BBX: variants seen among roughly 807,000 people sequenced by gnomAD.
BBX encodes the protein BBX high mobility group box domain containing.
A neutral mutation model predicts 100.2 loss-of-function variants in BBX; 30 were observed. That is an observed-to-expected ratio of 0.30 (90% confidence interval 0.22 to 0.41). The LOEUF is 0.41. Among genes scored for constraint, BBX ranks in the 10% least tolerant of loss-of-function variants. The probability of loss-of-function intolerance (pLI) is 1.00; values close to 1 mark genes in which losing one functional copy is unlikely to be tolerated. For synonymous variants in BBX, 376 were observed against 388.1 expected (o/e 0.97, Z 0.37); for missense variants, 1,023 against 1,129.8 (o/e 0.91, Z 1.35).
chr3:107,610,412 T>A (rs1453406996), intron 2 of BBX, among the ~76,000 whole-genome samples: 2 of 152,038 alleles, frequency 1.3e-5, no homozygotes, highest in Admixed American at 1.3e-4. Context: ...GTTTCTTTGT[T>A]AATTTTCTGT....
At chr3:107,524,996 C>T (rs1408839346) in intron 1 of BBX, among the ~76,000 whole-genome samples, 6 of 151,510 alleles carry the variant, frequency 4.0e-5, no homozygotes, top group African/African-American at 1.2e-4. Context: ...GACTGGGGTA[C>T]TTTCCCCGCG....
chr3:107,732,021 A>T (rs2063348013), intron 6 of BBX, among the ~76,000 whole-genome samples: 1 of 152,068 alleles, frequency 6.6e-6, no homozygotes, highest in South Asian at 2.1e-4. Context: ...CTTTTCTTTG[A>T]TAACTTCTTT....
chr3:107,779,432 A>G (rs1178120007), intron 13 of BBX, among the ~76,000 whole-genome samples: 2 of 152,130 alleles, frequency 1.3e-5, no homozygotes, highest in African/African-American at 4.8e-5. Flanking sequence ...TATATGAAAT[A>G]CTTCATTCAG....
intron 2 of BBX, among the ~76,000 whole-genome samples, chr3:107,619,368 C>G (rs1319455278): frequency 6.6e-6 from 1 of 152,068 alleles, no homozygotes; most frequent in Non-Finnish European, 1.5e-5. Flanking sequence ...CCCATAACCC[C>G]TTTATGTCTC....
chr3:107,805,393 C>T lies in BBX; in HGVS notation c.2762C>T (p.Thr921Ile). Reference protein sequence around the residue: ...VHRGQRSTPLTHDGQPKEMPQ... With the variant: ...VHRGQRSTPLIHDGQPKEMPQ... ...AGAGGTCAGAGGTCAACTCCGCTCA[C>T]CCATGATGGACAGCCAAAAGAAATG... The change falls in exon 18 of 18, where the codon ACC becomes ATC. Residue 921 changes from threonine to isoleucine, a missense_variant. By Grantham distance (89) the Thr-to-Ile change is moderately conservative. Around this residue, in one of 9 missense-constraint regions of BBX, gnomAD observed 104 missense variants for 132.2 expected, o/e 0.79. Coordinates refer to ENST00000325805, the MANE Select transcript of BBX (RefSeq NM_001142568.3). The T allele has an allele frequency of 6.2e-7, 1 of 1,614,030 alleles. No homozygotes were observed.
At chr3:107,698,616 C>T (rs926555887) in intron 3 of BBX, among the ~76,000 whole-genome samples, 1 of 149,544 alleles carries the variant, frequency 6.7e-6, no homozygotes, top group African/African-American at 2.5e-5. Context: ...TGTGCCACTG[C>T]ACTCCAGCCT....
At chr3:107,597,931 A>G (rs539036525) in intron 2 of BBX, among the ~76,000 whole-genome samples, 1 of 152,136 alleles carries the variant, frequency 6.6e-6, no homozygotes, top group Non-Finnish European at 1.5e-5. Context: ...TGTGTGCCTG[A>G]TTTTGTAAAA....
chr3:107,603,103 A>G (rs1044454824), intron 2 of BBX, among the ~76,000 whole-genome samples: 1 of 152,062 alleles, frequency 6.6e-6, no homozygotes, highest in Non-Finnish European at 1.5e-5. Flanking sequence ...AGCTGGGACT[A>G]TAGGCTCCCG....
intron 11 of BBX, 151 bp from the exon 12 acceptor site, chr3:107,774,568 G>T: frequency 1.3e-6 from 1 of 751,678 alleles, no homozygotes. Context: ...AGATGGTCCA[G>T]CATGAATCAC....
chr3:107,544,476 C>A (rs991039650), intron 2 of BBX, among the ~76,000 whole-genome samples: 4 of 152,092 alleles, frequency 2.6e-5, no homozygotes, highest in African/African-American at 7.2e-5. Context: ...TGTCTTTAGA[C>A]ATGAGATGTT....
chr3:107,594,172 A>T lies in BBX; in HGVS notation c.-83-51664A>T, dbSNP rs147535634. Among the ~76,000 whole-genome samples, 1,336 of 152,176 alleles carry T rather than the reference A, an allele frequency of 8.8e-3. 23 individuals carry two copies. The highest frequency in any genetic ancestry group is 0.031 in the African/African-American group (1,269 of 41,522). On this transcript the variant is annotated intron_variant, in intron 2 of 17. Transcript: ENST00000325805. Reference sequence around the variant, plus strand: ...TAGTATTCTTTTAGGCATCTGATAAATTTTTTTATATGTAAGTTTGTCTTT... The same window carrying T: ...TAGTATTCTTTTAGGCATCTGATAATTTTTTTTATATGTAAGTTTGTCTTT...
intron 2 of BBX, among the ~76,000 whole-genome samples, chr3:107,593,260 G>A (rs191698496): frequency 1.1e-3 from 161 of 152,308 alleles, no homozygotes; most frequent in African/African-American, 3.5e-3. Flanking sequence ...ACCCTAAGGC[G>A]TATCTTCTGT....
intron 2 of BBX, among the ~76,000 whole-genome samples, chr3:107,643,473 G>A (rs1342218946): frequency 6.6e-6 from 1 of 152,060 alleles, no homozygotes; most frequent in South Asian, 2.1e-4. Flanking sequence ...AGTTCCTAGC[G>A]AGGCAGTGGA....
intron 2 of BBX, among the ~76,000 whole-genome samples, chr3:107,630,504 T>G (rs1431805714): frequency 6.6e-6 from 1 of 152,166 alleles, no homozygotes; most frequent in Non-Finnish European, 1.5e-5. Context: ...GAAAATGACG[T>G]TCAGTTTTCA....
chr3:107,777,404 C>A (rs2067410512), intron 12 of BBX, among the ~76,000 whole-genome samples: 1 of 152,116 alleles, frequency 6.6e-6, no homozygotes, highest in Non-Finnish European at 1.5e-5. Context: ...TTAGGACACC[C>A]CTTAGCTAGC....
At chr3:107,784,657 CTT>C (rs372755351) in intron 13 of BBX, among the ~76,000 whole-genome samples, 8 of 151,796 alleles carry the variant, frequency 5.3e-5, no homozygotes, top group African/African-American at 1.9e-4. Flanking sequence ...CTAAAGCAAA[CTT>C]AGAGGGAGAA....
At chr3:107,574,557 A>T (rs1255504622) in intron 2 of BBX, among the ~76,000 whole-genome samples, 2 of 152,202 alleles carry the variant, frequency 1.3e-5, no homozygotes, top group Non-Finnish European at 2.9e-5. Context: ...GATAATAAAC[A>T]CTCAATTCGT....
At chr3:107,778,564 A>G (rs1222205705) in intron 13 of BBX, 45 bp downstream of exon 13, 6 of 1,595,014 alleles carry the variant, frequency 3.8e-6, no homozygotes, top group Non-Finnish European at 4.3e-6. Flanking sequence ...CAGAATCTCA[A>G]GTGACCCTTC....
chr3:107,670,019 A>G (rs1212890668), intron 3 of BBX, among the ~76,000 whole-genome samples: 1 of 152,160 alleles, frequency 6.6e-6, no homozygotes, highest in Non-Finnish European at 1.5e-5. Flanking sequence ...TTATATTCAT[A>G]CATATTTTTA....
Sources: allele counts gnomAD v4.1 joint callset (sites outside exome capture counted in the v4.1 genomes callset), GRCh38; gene constraint gnomAD v4.1.1; regional missense constraint gnomAD v4.1.1; transcripts MANE v1.5; gene names NCBI Gene and HGNC (gene_info 2026-07-23, HGNC 2026-07-21).